Variants in EME2 observed in about 807,000 individuals in gnomAD.
EME2 encodes essential meiotic structure-specific endonuclease subunit 2, also known as structure-specific endonuclease subunit EME2.
Under a neutral mutation model 41.9 loss-of-function variants are expected in EME2, and 58 were observed. The ratio of observed to expected loss-of-function variants is 1.38; its 90% CI spans 1.12 to 1.72. The LOEUF is 1.72. EME2 is among the 40% of genes most tolerant of loss of function. The pLI is 0.00. For synonymous variants in EME2, 334 were observed against 239.3 expected (o/e 1.40, Z -3.65); for missense variants, 695 against 541.9 (o/e 1.28, Z -2.81).
In EME2 at chr16:1,778,390, C is replaced by A; in HGVS notation, c.*2152C>A. On this transcript the variant is annotated 3_prime_UTR_variant, in exon 8 of 8. Coordinates refer to ENST00000568449, the MANE Select transcript of EME2 (RefSeq NM_001257370.2). ...GGGCTCTGCCCTGCCCACCCCCAGG[C>A]CCGCCCGCAGTGCAGTCCCAGCAGG... 1.2e-6 allele frequency: 2 copies of A among 1,606,928 alleles called. No homozygotes were observed. The highest frequency in any genetic ancestry group is 1.7e-4 in the Middle Eastern group (1 of 6,034).
intron 3 of EME2, among the ~76,000 whole-genome samples, chr16:1,774,683 G>A (rs984515077): frequency 6.6e-6 from 1 of 152,250 alleles, no homozygotes; most frequent in East Asian, 1.9e-4. Flanking sequence ...GTGGTGCCAG[G>A]TAGCGTGGGG....
rs1271652829 is a variant in EME2 at position 1,773,813 on chromosome 16, G to A, written c.356G>A (p.Arg119Gln). ...QRPARSLRWTRASPDPCPRSL... is the reference protein window; with the variant it reads ...QRPARSLRWTQASPDPCPRSL... The stretch of plus-strand genomic sequence containing the variant: ...CCGGCCCGCAGCCTGCGGTGGACCC[G>A]AGCGAGTCCCGACCCCTGCCCCCGC... The change falls in exon 2 of 8, where the codon CGA becomes CAA. Residue 119 changes from arginine to glutamine, a missense_variant. Coordinates refer to ENST00000568449, the MANE Select transcript of EME2 (RefSeq NM_001257370.2). 1.3e-6 allele frequency: 2 copies of A among 1,557,656 alleles called. No individual in the cohort carries two copies. The highest frequency in any genetic ancestry group is 1.4e-5 in the African/African-American group (1 of 73,434).
rs2042677144 is a variant in EME2, at chr16:1,774,306, T to C, written c.431T>C (p.Leu144Pro). The change falls in exon 3 of 8, where the codon CTG (leucine) becomes CCG (proline). Residue 144 changes from leucine (L) to proline (P), a missense_variant. Physicochemically the swap from Leu to Pro is moderately conservative, Grantham distance 98. Coordinates refer to ENST00000568449, the MANE Select transcript of EME2 (RefSeq NM_001257370.2). The part of the protein sequence containing the change: ...WAAGEQELLL[L>P]LEPEEFLQGV... The stretch of plus-strand genomic sequence containing the variant: ...GCAGGTGAACAGGAATTGCTGCTGC[T>C]GCTGGAGCCCGAGGAGTTTCTGCAG... The C allele has an allele frequency of 6.2e-7, 1 of 1,612,704 alleles. No homozygotes were observed. Among genetic ancestry groups the C allele is most frequent in the Admixed American group, 1.7e-5 (1 of 60,002 alleles).
intron 1 of EME2, 110 bp from the exon 2 acceptor site, chr16:1,773,595 A>G (rs1436734172): frequency 6.6e-7 from 1 of 1,525,414 alleles, no homozygotes; most frequent in East Asian, 2.5e-5. Flanking sequence ...CCCGCCTCCC[A>G]GTCGGGGGTT....
chr16:1,778,242 G>T lies in EME2; in HGVS notation c.*2004G>T. 6.2e-7 allele frequency: 1 copy of T among 1,612,994 alleles called. No homozygotes were observed. Among genetic ancestry groups the T allele is most frequent in the Non-Finnish European group, 8.5e-7 (1 of 1,179,996 alleles). ...CCGCTGTGCCGCAGCTGTACTCCAT[G>T]TGGAAGCTGACCTTACGGTTGTCAC... On this transcript the variant is annotated 3_prime_UTR_variant, in exon 8 of 8. Transcript: ENST00000568449.
In EME2 at chr16:1,780,338, C is replaced by T. The variant is rs1176182917; in HGVS notation, c.*4100C>T. 2 of 152,174 alleles carry T rather than the reference C, an allele frequency of 1.3e-5. No homozygotes were observed. Among genetic ancestry groups the T allele is most frequent in the African/African-American group, 4.8e-5 (2 of 41,382 alleles). The allele number at this position is 152,174 out of a possible 1,614,324, so 9.4% of individuals were successfully genotyped here. ...TCCGAGGGAGATCTCAGGAAACCGA[C>T]TGGGAAATCACCCCCCACAGGGACC... On this transcript the variant is annotated 3_prime_UTR_variant, in exon 8 of 8. Transcript: ENST00000568449.
Position 1,776,251 on chromosome 16 carries a change from C to A in EME2, c.*13C>A. ...CCTGGGCTCCTGACCACACGTGGGACCACCAGGACAGCATGCAGCCTTGGG... is the reference window on the plus strand; with the variant it reads ...CCTGGGCTCCTGACCACACGTGGGAACACCAGGACAGCATGCAGCCTTGGG... On this transcript the variant is annotated 3_prime_UTR_variant, in exon 8 of 8. Coordinates refer to ENST00000568449, the MANE Select transcript of EME2 (RefSeq NM_001257370.2). The A allele has an allele frequency of 6.2e-7, 1 of 1,611,538 alleles. No homozygotes were observed. The highest frequency in any genetic ancestry group is 8.5e-7 in the Non-Finnish European group (1 of 1,179,380).
At position 1,773,241 on chromosome 16, in the gene EME2, G is replaced by C. The variant is rs1308024354; in HGVS notation, c.14G>C (p.Gly5Ala). MARV[G>A]PGRAGVSCQG... Reference sequence around the variant, plus strand: ...GTCGGTCCGGCCATGGCGCGGGTTGGACCCGGGAGGGCGGGGGTCTCTTGC... The same window carrying C: ...GTCGGTCCGGCCATGGCGCGGGTTGCACCCGGGAGGGCGGGGGTCTCTTGC... The change falls in exon 1 of 8, where the codon GGA becomes GCA. Residue 5 changes from glycine to alanine, a missense_variant. Coordinates refer to ENST00000568449, the MANE Select transcript of EME2 (RefSeq NM_001257370.2). The C allele has an allele frequency of 2.1e-6, 3 of 1,449,602 alleles. 1 individual carries two copies. The East Asian group carries it at 7.9e-5, about 38-fold the overall frequency. The allele number at this position is 1,449,602 out of a possible 1,614,324, so 89.8% of individuals were successfully genotyped here.
Position 1,775,070 on chromosome 16 carries a change from G to A in EME2, c.507G>A (p.Trp169Ter). The A allele has an allele frequency of 6.2e-7, 1 of 1,610,342 alleles. No individual in the cohort carries two copies. Among genetic ancestry groups the A allele is most frequent in the South Asian group, 1.1e-5 (1 of 91,080 alleles). Reference sequence around the variant, plus strand: ...CTGGCCCAACCCACTGGGTGCCCTGGATCTCCCCCGAGACCACCGCCCGGC... The same window carrying A: ...CTGGCCCAACCCACTGGGTGCCCTGAATCTCCCCCGAGACCACCGCCCGGC... ...QISGPTHWVP[W>*]ISPETTARPH... Residue 169 changes from tryptophan to a stop codon, truncating the protein, a stop_gained, in exon 4 of 8, where the codon TGG (tryptophan) becomes TGA (stop). Coordinates refer to ENST00000568449, the MANE Select transcript of EME2 (RefSeq NM_001257370.2). LOFTEE classifies it high-confidence loss of function.
rs1466661158 is a variant in EME2, at chr16:1,779,659, G to A, written c.*3421G>A. 1 of 152,420 alleles carries A rather than the reference G, an allele frequency of 6.6e-6. No individual in the cohort carries two copies. Among genetic ancestry groups the A allele is most frequent in the African/African-American group, 2.4e-5 (1 of 41,460 alleles). 9.4% of individuals were successfully genotyped at this position (152,420 alleles called of 1,614,324 possible). ...GAGTCAGGAGCCCGGGCACAGAACT[G>A]AGCACCTGCACTGCAGGCCCAGGGC... On this transcript the variant is annotated 3_prime_UTR_variant, in exon 8 of 8. Transcript: ENST00000568449.
Position 1,775,785 on chromosome 16 carries a change from C to T in EME2, c.780-12C>T. 4.3e-6 allele frequency: 7 copies of T among 1,612,286 alleles called. No homozygotes were observed. Among genetic ancestry groups the T allele is most frequent in the Non-Finnish European group, 5.9e-6 (7 of 1,179,514 alleles). ...TCACATGAGGTTCTAAAAGGCTTCTCTCTGTCCCCAGGCAGTACCGGGAAT... is the reference window on the plus strand; with the variant it reads ...TCACATGAGGTTCTAAAAGGCTTCTTTCTGTCCCCAGGCAGTACCGGGAAT... On this transcript the variant is annotated splice_polypyrimidine_tract_variant and intron_variant, in intron 6 of 7. Transcript: ENST00000568449.
Position 1,775,679 on chromosome 16 carries a change from C to T in EME2, c.774C>T (p.Pro258=), listed in dbSNP as rs369698973. 5.6e-6 allele frequency: 9 copies of T among 1,612,222 alleles called. No individual in the cohort carries two copies. Among genetic ancestry groups the T allele is most frequent in the East Asian group, 2.2e-5 (1 of 44,900 alleles). ...CAVTKALAQY[P]LKQYRESQAF... ...TTACCAAGGCTCTCGCCCAGTATCC[C>T]CTCAAGTGCGTGATGCCAAGGCTGA... The change falls in exon 6 of 8, where the codon CCC becomes CCT. Residue 258 remains proline, a synonymous_variant. Transcript: ENST00000568449.
Position 1,778,671 on chromosome 16 carries a change from G to A in EME2, c.*2433G>A. Reference sequence around the variant, plus strand: ...GCCCGCTCTCTACCCTCTCACCCTTGCCCTCTGTCCCTGTCCCACCCTGTC... The same window carrying A: ...GCCCGCTCTCTACCCTCTCACCCTTACCCTCTGTCCCTGTCCCACCCTGTC... On this transcript the variant is annotated 3_prime_UTR_variant, in exon 8 of 8. Transcript: ENST00000568449. The A allele has an allele frequency of 1.3e-6, 2 of 1,501,448 alleles. No homozygotes were observed. Among genetic ancestry groups the A allele is most frequent in the African/African-American group, 1.4e-5 (1 of 72,132 alleles). 93.0% of individuals were successfully genotyped at this position (1,501,448 alleles called of 1,614,324 possible). A position where few individuals can be genotyped will look rare whatever the true frequency, so the allele number is the denominator to read the frequency against.
chr16:1,773,896 T>C, intron 2 of EME2, 55 bp downstream of exon 2: 1 of 1,494,404 alleles, frequency 6.7e-7, no homozygotes, highest in Non-Finnish European at 8.9e-7. Flanking sequence ...TTTGCTTCCA[T>C]GATTTCAGCC....
Position 1,778,628 on chromosome 16 carries a change from C to T in EME2, c.*2390C>T, listed in dbSNP as rs375390717. The T allele has an allele frequency of 2.7e-5, 42 of 1,532,450 alleles. No homozygotes were observed. The highest frequency in any genetic ancestry group is 3.2e-5 in the Non-Finnish European group (37 of 1,139,312). The allele number at this position is 1,532,450 out of a possible 1,614,324, so 94.9% of individuals were successfully genotyped here. A position where few individuals can be genotyped will look rare whatever the true frequency, so the allele number is the denominator to read the frequency against. ...AGTCGCTGTGCTGGGAGAGAAGGGCCGGCTGTTACTACCTGTTGCCCGCTC... is the reference window on the plus strand; with the variant it reads ...AGTCGCTGTGCTGGGAGAGAAGGGCTGGCTGTTACTACCTGTTGCCCGCTC... On this transcript the variant is annotated 3_prime_UTR_variant, in exon 8 of 8. Transcript: ENST00000568449.
Position 1,776,061 on chromosome 16 carries a change from C to G in EME2, c.970-7C>G. 1.2e-6 allele frequency: 2 copies of G among 1,607,106 alleles called. No homozygotes were observed. The highest frequency in any genetic ancestry group is 1.1e-5 in the South Asian group (1 of 90,806). ...AGGCGCCCTCTCATGCCTTTGCCTG[C>G]TCCTAGGCGCTGGAGGCCTGCAGCA... On this transcript the variant is annotated splice_polypyrimidine_tract_variant and splice_region_variant and intron_variant, in intron 7 of 7. Transcript: ENST00000568449.
Position 1,774,133 on chromosome 16 carries a change from A to G in EME2, c.385-127A>G, listed in dbSNP as rs187965383. The G allele has an allele frequency of 3.0e-5, 26 of 860,404 alleles. No individual in the cohort carries two copies. The African/African-American group carries it at 3.7e-4, about 12-fold the overall frequency. 53.3% of individuals were successfully genotyped at this position (860,404 alleles called of 1,614,324 possible). A position where few individuals can be genotyped will look rare whatever the true frequency, so the allele number is the denominator to read the frequency against. On this transcript the variant is annotated intron_variant, in intron 2 of 7. Coordinates refer to ENST00000568449, the MANE Select transcript of EME2 (RefSeq NM_001257370.2). ...AGGAAAGGGAACACTGGGCTTCTGT[A>G]GAGCAGGCCTGTCAGGGCCTGGGCT... is the stretch of plus-strand genomic sequence containing the variant.
In EME2 at chr16:1,780,801, C is replaced by T. The variant is rs1896681908; in HGVS notation, c.*4563C>T. The stretch of plus-strand genomic sequence containing the variant: ...AGGCTGGAACGCACTGGTGTGATCA[C>T]GGCTCACTGCAGCCTTGACCTCCCT... On this transcript the variant is annotated 3_prime_UTR_variant, in exon 8 of 8. Transcript: ENST00000568449. 1.2e-5 allele frequency: 3 copies of T among 252,972 alleles called. No individual in the cohort carries two copies. The highest frequency in any genetic ancestry group is 2.2e-4 in the East Asian group (2 of 9,140). 15.7% of individuals were successfully genotyped at this position (252,972 alleles called of 1,614,324 possible).
In EME2 at chr16:1,775,116, C is replaced by T; in HGVS notation, c.553C>T (p.Leu185=). 1.2e-6 allele frequency: 2 copies of T among 1,612,042 alleles called. No individual in the cohort carries two copies. Among genetic ancestry groups the T allele is most frequent in the Non-Finnish European group, 1.7e-6 (2 of 1,179,962 alleles). Residue 185 remains leucine, a synonymous_variant, in exon 4 of 8, where the codon CTG becomes TTG. Coordinates refer to ENST00000568449, the MANE Select transcript of EME2 (RefSeq NM_001257370.2). ...CCGGCCCCACCTGGCTGTCATCGGG[C>T]TGGATGCCTACCTGTGGTACCGCTC... The part of the protein sequence containing the change: ...TARPHLAVIG[L]DAYLWSRQHV...
Sources: gnomAD v4.1 joint callset for allele counts (sites outside exome capture counted in the v4.1 genomes callset) on GRCh38, gnomAD v4.1.1 for gene constraint, MANE v1.5 for transcripts, NCBI Gene and HGNC (gene_info 2026-07-23, HGNC 2026-07-21) for gene names.